MRPL1: variants seen among roughly 807,000 people sequenced by gnomAD.
MRPL1 encodes the protein large ribosomal subunit protein uL1m.
A neutral mutation model predicts 38.0 loss-of-function variants in MRPL1; 28 were observed. The observed-to-expected ratio is 0.74, with a 90% CI of 0.55 to 1.01. The LOEUF is 1.01. Among genes scored for constraint, MRPL1 ranks in the 50% least tolerant of loss-of-function variants. The pLI, the probability that MRPL1 is intolerant of heterozygous loss-of-function variation, is 0.00. For synonymous variants in MRPL1, 123 were observed against 126.7 expected, an observed-to-expected ratio of 0.97 and a Z score of 0.20; for missense variants, 358 against 389.8, an observed-to-expected ratio of 0.92 and a Z score of 0.69.
At chr4:77,948,896 G>A (rs969043585) in intron 7 of MRPL1, among the ~76,000 whole-genome samples, 2 of 151,356 alleles carry the variant, frequency 1.3e-5, no homozygotes, top group Admixed American at 1.3e-4. Flanking sequence ...TCAGCCTCCC[G>A]AGTAGCTGGG....
intron 1 of MRPL1, among the ~76,000 whole-genome samples, chr4:77,866,040 T>TA (rs763674795): frequency 1.1e-3 from 161 of 151,614 alleles, no homozygotes; most frequent in East Asian, 9.7e-3. Flanking sequence ...GGGCTTAGCA[T>TA]AAAAAAAAAC....
At chr4:77,875,343 T>A (rs1225766260) in intron 2 of MRPL1, among the ~76,000 whole-genome samples, 1 of 152,076 alleles carries the variant, frequency 6.6e-6, no homozygotes, top group Non-Finnish European at 1.5e-5. Flanking sequence ...AAGAAGTATT[T>A]GAGCTAGGTC....
chr4:77,899,993 T>G (rs1343112298), intron 6 of MRPL1, among the ~76,000 whole-genome samples: 1 of 152,224 alleles, frequency 6.6e-6, no homozygotes, highest in African/African-American at 2.4e-5. Flanking sequence ...GAGCAAACTT[T>G]TTAACATTTT....
intron 1 of MRPL1, among the ~76,000 whole-genome samples, chr4:77,870,963 C>A (rs1735267140): frequency 1.3e-5 from 2 of 152,096 alleles, no homozygotes; most frequent in African/African-American, 4.8e-5. Flanking sequence ...AGTACTTGGG[C>A]AACTGTGTTA....
Position 77,867,779 on chromosome 4 carries a change from C to T in MRPL1, c.32-3965C>T, listed in dbSNP as rs112646817. Among the ~76,000 whole-genome samples, 74 of 102,898 alleles carry T rather than the reference C, an allele frequency of 7.2e-4. 1 individual carries two copies. Among genetic ancestry groups the T allele is most frequent in the African/African-American group, 2.3e-3 (60 of 25,706 alleles). 67.5% of individuals were successfully genotyped at this position (102,898 alleles called of 152,430 possible). On this transcript the variant is annotated intron_variant, in intron 1 of 8. Coordinates refer to ENST00000315567, the MANE Select transcript of MRPL1 (RefSeq NM_020236.4). Reference sequence around the variant, plus strand: ...TTTTTTTTTTTTTTTTTTTTTTAGACGGAGTCTTGCTCTGTCGACCAGGCT... The same window carrying T: ...TTTTTTTTTTTTTTTTTTTTTTAGATGGAGTCTTGCTCTGTCGACCAGGCT...
At chr4:77,892,257 G>C (rs946487450) in intron 5 of MRPL1, among the ~76,000 whole-genome samples, 1 of 151,560 alleles carries the variant, frequency 6.6e-6, no homozygotes. Flanking sequence ...TCTGCCTCCC[G>C]AGTAGCTGGG....
intron 6 of MRPL1, among the ~76,000 whole-genome samples, chr4:77,898,264 T>TTGTG (rs147735700): frequency 4.0e-5 from 6 of 151,524 alleles, no homozygotes; most frequent in Non-Finnish European, 8.8e-5. Context: ...CATCTTTTTT[T>TTGTG]TGTGTGTGTG....
Position 77,949,892 on chromosome 4 carries a change from T to G in MRPL1, c.859+14T>G. 6.3e-7 allele frequency: 1 copy of G among 1,577,486 alleles called. No homozygotes were observed. Among genetic ancestry groups the G allele is most frequent in the Middle Eastern group, 1.7e-4 (1 of 5,988 alleles). ...CGCTGAATTTGGGTAAGTGGTTTGCTGAGGGTAGACTTCCCTATGACCCTG... is the reference window on the plus strand; with the variant it reads ...CGCTGAATTTGGGTAAGTGGTTTGCGGAGGGTAGACTTCCCTATGACCCTG... On this transcript the variant is annotated intron_variant, in intron 8 of 8. Transcript: ENST00000315567.
At chr4:77,918,632 A>G (rs1190979935) in intron 7 of MRPL1, among the ~76,000 whole-genome samples, 1 of 152,280 alleles carries the variant, frequency 6.6e-6, no homozygotes, top group Middle Eastern at 3.4e-3. Flanking sequence ...GTGGGTGATC[A>G]TGTGATCATA....
intron 2 of MRPL1, among the ~76,000 whole-genome samples, chr4:77,879,886 A>T (rs1408065344): frequency 6.6e-6 from 1 of 152,216 alleles, no homozygotes; most frequent in African/African-American, 2.4e-5. Flanking sequence ...GTCATTATCT[A>T]ATATTCTGTT....
Position 77,929,728 on chromosome 4 carries a change from G to C in MRPL1, c.778-20069G>C, listed in dbSNP as rs370751558. 5.3e-5 allele frequency among the ~76,000 whole-genome samples: 8 copies of C among 150,794 alleles called. No individual in the cohort carries two copies. The East Asian group carries it at 7.8e-4, about 15-fold the overall frequency. On this transcript the variant is annotated intron_variant, in intron 7 of 8. Transcript: ENST00000315567. The stretch of plus-strand genomic sequence containing the variant: ...AACAATGGCTCCGTGGCCTGTTTTT[G>C]TATGGCCTGTGAGCTTAGAACCCCT...
At chr4:77,888,350 C>T (rs1028456545) in intron 5 of MRPL1, among the ~76,000 whole-genome samples, 3 of 152,008 alleles carry the variant, frequency 2.0e-5, no homozygotes, top group African/African-American at 7.2e-5. Flanking sequence ...ACTAAAAATA[C>T]AAAAATTAGC....
At chr4:77,888,755 C>G (rs972668849) in intron 5 of MRPL1, among the ~76,000 whole-genome samples, 3 of 151,892 alleles carry the variant, frequency 2.0e-5, no homozygotes, top group Non-Finnish European at 4.4e-5. Flanking sequence ...GGTAGATGTG[C>G]ACAGCATGCA....
chr4:77,944,270 A>G (rs907065285), intron 7 of MRPL1, among the ~76,000 whole-genome samples: 24 of 152,192 alleles, frequency 1.6e-4, no homozygotes, highest in Non-Finnish European at 5.9e-5. Context: ...ATAGCAGCAC[A>G]GTTTTTCAGC....
At chr4:77,888,412 C>T (rs1411585979) in intron 5 of MRPL1, among the ~76,000 whole-genome samples, 2 of 151,930 alleles carry the variant, frequency 1.3e-5, no homozygotes, top group African/African-American at 4.8e-5. Flanking sequence ...GGCTGAGGCA[C>T]AAGAATCTCT....
At chr4:77,903,557 G>A (rs1297429827) in intron 6 of MRPL1, among the ~76,000 whole-genome samples, 1 of 152,194 alleles carries the variant, frequency 6.6e-6, no homozygotes, top group Non-Finnish European at 1.5e-5. Context: ...AGCTATTTTA[G>A]TGAGTGAATT....
rs139511410 is a variant in MRPL1 at position 77,879,707 on chromosome 4, T to C, written c.144-3535T>C. Among the ~76,000 whole-genome samples the C allele has an allele frequency of 4.3e-3, 654 of 152,324 alleles. 6 individuals are homozygous for C. Among genetic ancestry groups the C allele is most frequent in the African/African-American group, 0.015 (630 of 41,574 alleles). On this transcript the variant is annotated intron_variant, in intron 2 of 8. Coordinates refer to ENST00000315567, the MANE Select transcript of MRPL1 (RefSeq NM_020236.4). ...TCCTTCTGTTGGCTTCTCTGCTGCT[T>C]TGCTAAATATAAAGTAAAAATATGG...
chr4:77,940,974 G>A (rs1432746649), intron 7 of MRPL1, among the ~76,000 whole-genome samples: 2 of 151,996 alleles, frequency 1.3e-5, no homozygotes, highest in African/African-American at 4.8e-5. Context: ...TGCATCTATA[G>A]GCTGGGTGCA....
intron 7 of MRPL1, 55 bp downstream of exon 7, chr4:77,909,427 C>T: frequency 9.0e-7 from 1 of 1,106,856 alleles, no homozygotes; most frequent in Non-Finnish European, 1.3e-6. Flanking sequence ...TTCAAGTATT[C>T]TTCAGTAATT....
Sources: allele counts gnomAD v4.1 joint callset (sites outside exome capture counted in the v4.1 genomes callset), GRCh38; gene constraint gnomAD v4.1.1; transcripts MANE v1.5; gene names NCBI Gene and HGNC (gene_info 2026-07-23, HGNC 2026-07-21).